DGLUCY: variants seen among roughly 807,000 people sequenced by gnomAD.
DGLUCY encodes D-glutamate cyclase.
DGLUCY carries 58 observed loss-of-function variants against 58.5 expected under a neutral mutation model. That is an observed-to-expected ratio of 0.99 (90% CI 0.80 to 1.23). The LOEUF (loss-of-function observed/expected upper bound fraction) is 1.23, where lower values mean the gene tolerates loss of function less well. Among genes scored for constraint, DGLUCY ranks in the 50% most tolerant of loss-of-function variants. The pLI is 0.00. For missense variants in DGLUCY, 779 were observed against 784.7 expected, an observed-to-expected ratio of 0.99 and a Z score of 0.09; for synonymous variants, 325 against 314.1, an observed-to-expected ratio of 1.03 and a Z score of -0.37.
chr14:91,201,751 G>A (rs796436045), intron 11 of DGLUCY, among the ~76,000 whole-genome samples: 10 of 151,096 alleles, frequency 6.6e-5, no homozygotes, highest in East Asian at 4.0e-4. Context: ...GCCTTCAGTC[G>A]TTAATAATAT....
intron 1 of DGLUCY, among the ~76,000 whole-genome samples, chr14:91,068,798 G>A (rs1446984806): frequency 6.6e-6 from 1 of 152,198 alleles, no homozygotes; most frequent in Non-Finnish European, 1.5e-5. Context: ...AATGAAACAA[G>A]GAAACTCTCA....
upstream of DGLUCY, among the ~76,000 whole-genome samples, chr14:91,113,161 G>A (rs1219795012): frequency 2.0e-5 from 3 of 152,218 alleles, no homozygotes; most frequent in Admixed American, 2.0e-4. Context: ...TTAGCTGGGC[G>A]TGGTGGCGCA....
intron 2 of DGLUCY, among the ~76,000 whole-genome samples, 168 bp from the exon 3 acceptor site, chr14:91,160,098 T>C (rs950035652): frequency 1.1e-4 from 17 of 152,026 alleles, no homozygotes; most frequent in Admixed American, 1.0e-3. Flanking sequence ...GAAAAGGAGA[T>C]GTGACGGGGG....
rs376276893 is a variant in DGLUCY at position 91,173,456 on chromosome 14, C to G, written c.607+17C>G. The G allele has an allele frequency of 8.9e-6, 14 of 1,580,680 alleles. No individual in the cohort carries two copies. The African/African-American group carries it at 1.8e-4, about 20-fold the overall frequency. ...GCGACCCAGGTCAGTGTCTCTCGCT[C>G]CTGCCCATGATCTTCCTGTTCACAT... On this transcript the variant is annotated intron_variant, in intron 6 of 13. Coordinates refer to ENST00000256324, the MANE Select transcript of DGLUCY (RefSeq NM_001102368.3).
chr14:91,183,735 A>G (rs1267676791), intron 8 of DGLUCY, among the ~76,000 whole-genome samples: 4 of 152,224 alleles, frequency 2.6e-5, no homozygotes, highest in Non-Finnish European at 4.4e-5. Context: ...CAAAATCCAC[A>G]TACCTAGTAG....
At chr14:91,104,952 G>A (rs2044564045), upstream of DGLUCY, among the ~76,000 whole-genome samples, 1 of 152,216 alleles carries the variant, frequency 6.6e-6, no homozygotes, top group Non-Finnish European at 1.5e-5. Context: ...GGAAATCCAA[G>A]TGCATCTTAT....
intron 9 of DGLUCY, among the ~76,000 whole-genome samples, chr14:91,193,243 A>G (rs2050010548): frequency 6.6e-6 from 1 of 152,202 alleles, no homozygotes; most frequent in African/African-American, 2.4e-5. Flanking sequence ...CCGACGGCGT[A>G]GAGCACCATT....
chr14:91,075,882 G>A (rs1388881456), intron 1 of DGLUCY, among the ~76,000 whole-genome samples: 1 of 152,188 alleles, frequency 6.6e-6, no homozygotes, highest in African/African-American at 2.4e-5. Context: ...GGAGGCCCAG[G>A]TGGGCAGATC....
rs372866026 is a variant in DGLUCY, at chr14:91,086,347, T to A, written c.-82+25643T>A. Reference sequence around the variant, plus strand: ...ACCCCCTGCCTGGTCCATGGAAAAATGGTCTTCCGTGAAACTTGTCCCTGG... The same window carrying A: ...ACCCCCTGCCTGGTCCATGGAAAAAAGGTCTTCCGTGAAACTTGTCCCTGG... On this transcript the variant is annotated intron_variant, in intron 1 of 4. Transcript: ENST00000521334. Among the ~76,000 whole-genome samples the A allele has an allele frequency of 1.6e-4, 24 of 152,220 alleles. No individual in the cohort carries two copies. The East Asian group carries it at 4.0e-3, about 26-fold the overall frequency.
chr14:91,076,161 T>C (rs1475857652), intron 1 of DGLUCY, among the ~76,000 whole-genome samples: 2 of 150,392 alleles, frequency 1.3e-5, no homozygotes, highest in East Asian at 1.9e-4. Flanking sequence ...AAGAAGCTCA[T>C]AGCTAGGTAA....
At chr14:91,159,790 G>C (rs1014492341) in intron 2 of DGLUCY, among the ~76,000 whole-genome samples, 3 of 152,168 alleles carry the variant, frequency 2.0e-5, no homozygotes, top group African/African-American at 7.2e-5. Context: ...TCATTCGTCT[G>C]TTCATTCAAC....
intron 1 of DGLUCY, among the ~76,000 whole-genome samples, chr14:91,066,580 C>G (rs1218475437): frequency 6.6e-6 from 1 of 151,914 alleles, no homozygotes; most frequent in Non-Finnish European, 1.5e-5. Flanking sequence ...TCACTTGAGC[C>G]CAGGAGTTCT....
Position 91,203,897 on chromosome 14 carries a change from G to A in DGLUCY, c.1445-809G>A, listed in dbSNP as rs930013997. On this transcript the variant is annotated intron_variant, in intron 11 of 13. Transcript: ENST00000256324. The stretch of plus-strand genomic sequence containing the variant: ...TTGCCATATTGGCCAGACTGGTCTC[G>A]AACTCCTGATCTCAAGTGATCTCCC... Among the ~76,000 whole-genome samples, 5 of 152,190 alleles carry A rather than the reference G, an allele frequency of 3.3e-5. No homozygotes were observed. In the East Asian group the frequency reaches 7.7e-4, roughly 24 times the overall value.
intron 12 of DGLUCY, among the ~76,000 whole-genome samples, chr14:91,209,446 C>T (rs183533025): frequency 1.2e-3 from 189 of 152,186 alleles, no homozygotes; most frequent in African/African-American, 3.6e-3. Context: ...CGGTGGCTCA[C>T]GCCTGTAATC....
At chr14:91,169,894 A>T (rs1218192656) in intron 4 of DGLUCY, 109 bp from the exon 5 acceptor site, 8 of 1,217,608 alleles carry the variant, frequency 6.6e-6, no homozygotes, top group Non-Finnish European at 9.3e-6. Context: ...CAGGGCTGAA[A>T]ATTTCAGCAC....
chr14:91,198,023 G>A (rs1490570584), intron 10 of DGLUCY, among the ~76,000 whole-genome samples: 1 of 152,164 alleles, frequency 6.6e-6, no homozygotes, highest in Non-Finnish European at 1.5e-5. Context: ...GAAGGATTGA[G>A]AGAGATGTAA....
chr14:91,165,587 C>T (rs1467183123), intron 3 of DGLUCY, among the ~76,000 whole-genome samples: 2 of 152,152 alleles, frequency 1.3e-5, no homozygotes, highest in Non-Finnish European at 2.9e-5. Flanking sequence ...GAATCTGCCC[C>T]CCAAAAAGAT....
At chr14:91,176,407 G>A (rs1237483703) in intron 7 of DGLUCY, among the ~76,000 whole-genome samples, 1 of 151,966 alleles carries the variant, frequency 6.6e-6, no homozygotes, top group Non-Finnish European at 1.5e-5. Context: ...TGTATTTTTA[G>A]TAGAGACGGG....
intron 13 of DGLUCY, among the ~76,000 whole-genome samples, chr14:91,221,250 A>G (rs1567019588): frequency 6.6e-6 from 1 of 152,358 alleles, no homozygotes; most frequent in South Asian, 2.1e-4. Flanking sequence ...AGTGGTAGGT[A>G]GGGAGTGAGG....
Sources: allele counts gnomAD v4.1 joint callset (sites outside exome capture counted in the v4.1 genomes callset), GRCh38; gene constraint gnomAD v4.1.1; transcripts MANE v1.5; gene names NCBI Gene and HGNC (gene_info 2026-07-23, HGNC 2026-07-21).